The following CUEDC1 variants were observed in gnomAD, a reference collection of about 807,000 sequenced individuals.
The protein encoded by CUEDC1 is CUE domain containing 1, also known as CUE domain-containing protein 1.
A neutral mutation model predicts 43.7 loss-of-function variants in CUEDC1; 30 were observed. That is an observed-to-expected ratio of 0.69 (90% CI 0.51 to 0.93). CUEDC1 has a LOEUF of 0.93. CUEDC1 is among the 40% of genes least tolerant of loss of function. CUEDC1 has a pLI of 0.00. For missense variants in CUEDC1, 486 were observed against 549.0 expected (o/e 0.89, Z 1.15); for synonymous variants, 223 against 223.6 (o/e 1.00, Z 0.02).
intron 1 of CUEDC1, among the ~76,000 whole-genome samples, chr17:57,942,087 T>C (rs1375757344): frequency 6.6e-6 from 1 of 151,954 alleles, no homozygotes; most frequent in Non-Finnish European, 1.5e-5. Context: ...CGGCTCAGAA[T>C]CCAAATTAAG....
intron 1 of CUEDC1, among the ~76,000 whole-genome samples, chr17:57,908,054 A>T (rs2074546759): frequency 6.6e-6 from 1 of 151,918 alleles, no homozygotes; most frequent in African/African-American, 2.4e-5. Context: ...CGGGCCAGCC[A>T]CCAGGCATCA....
intron 1 of CUEDC1, among the ~76,000 whole-genome samples, chr17:57,937,431 T>G (rs1206536174): frequency 6.6e-6 from 1 of 150,534 alleles, no homozygotes; most frequent in African/African-American, 2.4e-5. Flanking sequence ...GGAAACATGG[T>G]GAAATCTCAT....
intron 1 of CUEDC1, among the ~76,000 whole-genome samples, chr17:57,902,219 C>CA (rs1014746934): frequency 2.7e-5 from 4 of 150,860 alleles, no homozygotes; most frequent in African/African-American, 9.8e-5. Context: ...AAACAAAAAA[C>CA]AAAAAAAACC....
intron 5 of CUEDC1, among the ~76,000 whole-genome samples, chr17:57,871,934 AAAAT>A (rs1272280595): frequency 4.3e-4 from 65 of 152,342 alleles, no homozygotes; most frequent in African/African-American, 1.5e-3. Context: ...CAAAAAATAA[AAAAT>A]AAACGGAAAA....
rs562458548 is a variant in CUEDC1, at chr17:57,927,164, T to C, written c.-316+28061A>G. ...CTCACCGAGCGGCTGGGACAGAGAGTGGGGCTGTTATGGAGGGTGCCAATG... is the reference window on the plus strand; with the variant it reads ...CTCACCGAGCGGCTGGGACAGAGAGCGGGGCTGTTATGGAGGGTGCCAATG... On this transcript the variant is annotated intron_variant, in intron 1 of 10. Transcript: ENST00000577830. Among the ~76,000 whole-genome samples, 3 of 151,590 alleles carry C rather than the reference T, an allele frequency of 2.0e-5. No individual in the cohort carries two copies. The South Asian group carries it at 6.3e-4, about 32-fold the overall frequency.
At chr17:57,873,462 C>G in intron 4 of CUEDC1, 129 bp downstream of exon 4, 1 of 1,125,876 alleles carries the variant, frequency 8.9e-7, no homozygotes, top group Non-Finnish European at 1.2e-6. Context: ...CCTACGAACC[C>G]AGGGCAACAG....
intron 1 of CUEDC1, among the ~76,000 whole-genome samples, chr17:57,894,900 A>G (rs548614005): frequency 6.6e-6 from 1 of 152,262 alleles, no homozygotes; most frequent in East Asian, 1.9e-4. Context: ...CCCAAATATC[A>G]GGTGTGGCTG....
chr17:57,866,623 A>G, intron 9 of CUEDC1, 79 bp from the exon 10 acceptor site: 1 of 1,413,620 alleles, frequency 7.1e-7, no homozygotes, highest in Non-Finnish European at 1.0e-6. Flanking sequence ...TGGGCAAGAG[A>G]GCTGACCCGA....
intron 10 of CUEDC1, among the ~76,000 whole-genome samples, chr17:57,865,099 G>C (rs2073938008): frequency 6.6e-6 from 1 of 152,090 alleles, no homozygotes; most frequent in African/African-American, 2.4e-5. Flanking sequence ...TGATGAGCAA[G>C]TTTCTGATGT....
intron 1 of CUEDC1, among the ~76,000 whole-genome samples, chr17:57,911,386 G>C (rs1296246854): frequency 6.6e-6 from 1 of 152,188 alleles, no homozygotes; most frequent in African/African-American, 2.4e-5. Flanking sequence ...TCCTCTTAAG[G>C]GTGGTTTGGT....
At chr17:57,883,637 C>T (rs750595916) in intron 2 of CUEDC1, among the ~76,000 whole-genome samples, 55 of 152,052 alleles carry the variant, frequency 3.6e-4, no homozygotes, top group Non-Finnish European at 7.2e-4. Flanking sequence ...GCAGGAGAAT[C>T]GCTTGAACCT....
chr17:57,864,038 A>C (rs1311070722), intron 10 of CUEDC1, among the ~76,000 whole-genome samples: 1 of 151,936 alleles, frequency 6.6e-6, no homozygotes, highest in African/African-American at 2.4e-5. Flanking sequence ...AAAAAGAAAA[A>C]AAAAGATTCA....
intron 4 of CUEDC1, 140 bp downstream of exon 4, chr17:57,873,451 C>A (rs1196488432): frequency 4.0e-6 from 4 of 993,394 alleles, no homozygotes; most frequent in Non-Finnish European, 2.9e-6. Context: ...AGCATTCCTG[C>A]CCTACGAACC....
At chr17:57,922,560 C>T (rs2074708267) in intron 1 of CUEDC1, 1 of 152,168 alleles carries the variant, frequency 6.6e-6, no homozygotes, top group Admixed American at 6.5e-5. Context: ...GCTTTCATTA[C>T]AGTAAAGTAA....
At chr17:57,891,042 C>T (rs7223166) in intron 1 of CUEDC1, among the ~76,000 whole-genome samples, 1 of 152,306 alleles carries the variant, frequency 6.6e-6, no homozygotes, top group South Asian at 2.1e-4. Context: ...GGGACCTTTT[C>T]CCGGGCTAGA....
At chr17:57,869,478 T>C (rs981275677) in intron 6 of CUEDC1, among the ~76,000 whole-genome samples, 2 of 152,198 alleles carry the variant, frequency 1.3e-5, no homozygotes, top group African/African-American at 4.8e-5. Flanking sequence ...CAACTCCATG[T>C]TTCATGACAT....
At position 57,922,564 on chromosome 17, in the gene CUEDC1, A is replaced by G. The variant is rs373872913; in HGVS notation, c.-316+32661T>C. 13 of 152,324 alleles carry G rather than the reference A, an allele frequency of 8.5e-5. No individual in the cohort carries two copies. The East Asian group carries it at 1.9e-3, about 23-fold the overall frequency. 9.4% of individuals were successfully genotyped at this position (152,324 alleles called of 1,614,324 possible). A position where few individuals can be genotyped will look rare whatever the true frequency, so the allele number is the denominator to read the frequency against. Reference sequence around the variant, plus strand: ...AACCAGTATGAGCTTTCATTACAGTAAAGTAATGGCAAAAGAAGCCTCGGG... The same window carrying G: ...AACCAGTATGAGCTTTCATTACAGTGAAGTAATGGCAAAAGAAGCCTCGGG... On this transcript the variant is annotated intron_variant, in intron 1 of 10. Coordinates refer to ENST00000577830, the MANE Select transcript of CUEDC1 (RefSeq NM_001271875.2).
Position 57,897,487 on chromosome 17 carries a change from G to A in CUEDC1, c.-315-11608C>T, listed in dbSNP as rs113600807. On this transcript the variant is annotated intron_variant, in intron 1 of 10. Coordinates refer to ENST00000577830, the MANE Select transcript of CUEDC1 (RefSeq NM_001271875.2). ...AGATTCAGACCATTCTGGCTAACAC[G>A]GTGAAACCCCGTCTCTACTAAAAAT... Among the ~76,000 whole-genome samples the A allele has an allele frequency of 2.3e-3, 346 of 151,956 alleles. 1 individual carries two copies. Among genetic ancestry groups the A allele is most frequent in the African/African-American group, 8.1e-3 (334 of 41,446 alleles).
intron 1 of CUEDC1, among the ~76,000 whole-genome samples, chr17:57,886,712 C>A (rs569561929): frequency 1.3e-5 from 2 of 152,118 alleles, no homozygotes; most frequent in East Asian, 3.9e-4. Context: ...ATCACAGACA[C>A]GTTTGTTCTT....
Sources: gnomAD v4.1 joint callset for allele counts (sites outside exome capture counted in the v4.1 genomes callset) on GRCh38, gnomAD v4.1.1 for gene constraint, MANE v1.5 for transcripts, NCBI Gene and HGNC (gene_info 2026-07-23, HGNC 2026-07-21) for gene names.